VGLL4: variants seen among roughly 807,000 people sequenced by gnomAD.
The protein encoded by VGLL4 is vestigial like family member 4.
A neutral mutation model predicts 21.0 loss-of-function variants in VGLL4; 7 were observed. That is an observed-to-expected ratio of 0.33 (90% CI 0.19 to 0.63). VGLL4 has a LOEUF of 0.63. VGLL4 is among the 20% of genes least tolerant of loss of function. The pLI is 0.78. For missense variants in VGLL4, 394 were observed against 425.7 expected, an observed-to-expected ratio of 0.93 and a Z score of 0.66; for synonymous variants, 222 against 173.2, an observed-to-expected ratio of 1.28 and a Z score of -2.21.
intron 1 of VGLL4, among the ~76,000 whole-genome samples, chr3:11,635,519 A>G (rs2075569247): frequency 6.6e-6 from 1 of 152,194 alleles, no homozygotes; most frequent in Non-Finnish European, 1.5e-5. Context: ...CCAGCTCCAC[A>G]AGAAGGTCCT....
At chr3:11,589,796 A>G (rs1248605594) in intron 2 of VGLL4, among the ~76,000 whole-genome samples, 4 of 152,172 alleles carry the variant, frequency 2.6e-5, no homozygotes, top group Non-Finnish European at 5.9e-5. Context: ...GGTGGGGAGA[A>G]AGCAAGCAAG....
chr3:11,667,326 A>G (rs1409050916), intron 2 of VGLL4, among the ~76,000 whole-genome samples: 1 of 152,214 alleles, frequency 6.6e-6, no homozygotes, highest in Non-Finnish European at 1.5e-5. Flanking sequence ...GAGCTTTGCA[A>G]TGATCTGTCC....
At chr3:11,560,946 G>A (rs2072932912) in intron 3 of VGLL4, among the ~76,000 whole-genome samples, 1 of 152,128 alleles carries the variant, frequency 6.6e-6, no homozygotes, top group African/African-American at 2.4e-5. Flanking sequence ...GACAGATGAG[G>A]CCTGGAGCAG....
intron 2 of VGLL4, among the ~76,000 whole-genome samples, chr3:11,650,574 GA>G (rs1371799688): frequency 6.6e-6 from 1 of 152,142 alleles, no homozygotes; most frequent in Non-Finnish European, 1.5e-5. Context: ...TACCACATTA[GA>G]AAATATGAGT....
At chr3:11,581,362 C>T (rs1017252815) in intron 2 of VGLL4, among the ~76,000 whole-genome samples, 1 of 152,162 alleles carries the variant, frequency 6.6e-6, no homozygotes, top group Non-Finnish European at 1.5e-5. Context: ...CCACCGTGCC[C>T]AGCCATGCAA....
chr3:11,679,836 A>T (rs1040369552), intron 2 of VGLL4, among the ~76,000 whole-genome samples: 8 of 152,212 alleles, frequency 5.3e-5, no homozygotes, highest in African/African-American at 1.9e-4. Flanking sequence ...ACAGTAACCT[A>T]AGGTTAGTAA....
Position 11,569,000 on chromosome 3 carries a change from A to C in VGLL4, c.273-3981T>G, listed in dbSNP as rs927935421. On this transcript the variant is annotated intron_variant, in intron 2 of 4. Coordinates refer to ENST00000430365, the MANE Select transcript of VGLL4 (RefSeq NM_001128219.3). The surrounding 1 kb of genome is among the most constrained non-coding windows in gnomAD (Gnocchi z 5.9). ...AGAGAGGCCTACAACACCATCATCC[A>C]GGACAGAGCTTTCTGAGTACTGAAA... 1 of 1,027,346 alleles carries C rather than the reference A, an allele frequency of 9.7e-7. No individual in the cohort carries two copies. The highest frequency in any genetic ancestry group is 7.8e-5 in the East Asian group (1 of 12,808). 63.6% of individuals were successfully genotyped at this position (1,027,346 alleles called of 1,614,324 possible). A position where few individuals can be genotyped will look rare whatever the true frequency, so the allele number is the denominator to read the frequency against.
chr3:11,720,907 G>A (rs1348458236), upstream of VGLL4, among the ~76,000 whole-genome samples: 1 of 152,182 alleles, frequency 6.6e-6, no homozygotes, highest in Non-Finnish European at 1.5e-5. Context: ...CCGGGGGATA[G>A]AGGCCTGATA....
At chr3:11,560,513 G>A (rs1247735953) in intron 3 of VGLL4, among the ~76,000 whole-genome samples, 3 of 152,172 alleles carry the variant, frequency 2.0e-5, no homozygotes, top group Non-Finnish European at 4.4e-5. Flanking sequence ...AGTTAGAGCA[G>A]TAGCTGGTAT....
chr3:11,568,669 G>A lies in VGLL4; in HGVS notation c.273-3650C>T, dbSNP rs2073648157. The A allele has an allele frequency of 1.1e-5, 17 of 1,556,718 alleles. No homozygotes were observed. The highest frequency in any genetic ancestry group is 7.7e-5 in the Admixed American group (4 of 51,924). On this transcript the variant is annotated intron_variant, in intron 2 of 4. Transcript: ENST00000430365. This position sits in a 1 kb window ranked among gnomAD's most constrained non-coding sequence, Gnocchi z 5.9. ...AGACATTGTTTTCCAGGCCCCGCTC[G>A]CCCGGATGAATCACCTCCCGGCCAC... is the stretch of plus-strand genomic sequence containing the variant.
At chr3:11,677,898 A>G (rs1397755656) in intron 2 of VGLL4, among the ~76,000 whole-genome samples, 1 of 115,776 alleles carries the variant, frequency 8.6e-6, no homozygotes, top group Non-Finnish European at 1.7e-5. Context: ...ACAGAGCAAG[A>G]CTTCGTCTTT....
chr3:11,588,715 G>C (rs2074415849), intron 2 of VGLL4, among the ~76,000 whole-genome samples: 1 of 152,258 alleles, frequency 6.6e-6, no homozygotes, highest in African/African-American at 2.4e-5. Context: ...AATGGAAAGA[G>C]AGTTGTATCA....
At chr3:11,684,357 A>G (rs1575528831) in intron 2 of VGLL4, among the ~76,000 whole-genome samples, 1 of 152,306 alleles carries the variant, frequency 6.6e-6, no homozygotes, top group African/African-American at 2.4e-5. Context: ...TAACAAATTT[A>G]GCATGAGGTA....
At chr3:11,715,095 G>A (rs373777418) in intron 1 of VGLL4, among the ~76,000 whole-genome samples, 3,395 of 149,172 alleles carry the variant, frequency 0.023, 115 homozygotes, top group East Asian at 0.11. Flanking sequence ...AGATCGCGCC[G>A]CTGCACTCCA....
chr3:11,560,830 G>A (rs1285319453), intron 3 of VGLL4, among the ~76,000 whole-genome samples: 7 of 152,290 alleles, frequency 4.6e-5, no homozygotes, highest in African/African-American at 1.4e-4. Flanking sequence ...AGAGAACCCG[G>A]GCAGGTGGAG....
At chr3:11,628,950 G>A (rs1244299277) in intron 1 of VGLL4, among the ~76,000 whole-genome samples, 2 of 152,136 alleles carry the variant, frequency 1.3e-5, no homozygotes, top group East Asian at 3.8e-4. Context: ...CAGTAAAATA[G>A]GCACTTCCAT....
At chr3:11,658,659 G>A (rs2075991113) in intron 2 of VGLL4, among the ~76,000 whole-genome samples, 1 of 115,012 alleles carries the variant, frequency 8.7e-6, no homozygotes, top group Non-Finnish European at 1.8e-5. Context: ...TATCCAGCCG[G>A]CATGTGGCAC....
At chr3:11,671,841 T>A (rs928347675) in intron 2 of VGLL4, among the ~76,000 whole-genome samples, 18 of 152,336 alleles carry the variant, frequency 1.2e-4, no homozygotes, top group African/African-American at 4.1e-4. Context: ...TTGCATTTTT[T>A]AAAAAAGAAT....
intron 2 of VGLL4, among the ~76,000 whole-genome samples, chr3:11,684,635 C>A (rs2076419360): frequency 1.3e-5 from 2 of 151,990 alleles, no homozygotes. Context: ...ACCACCTCAG[C>A]CTCTCAAAGT....
Sources: allele counts gnomAD v4.1 joint callset (sites outside exome capture counted in the v4.1 genomes callset), GRCh38; gene constraint gnomAD v4.1.1; non-coding constraint Gnocchi (gnomAD v3.1); transcripts MANE v1.5; gene names NCBI Gene and HGNC (gene_info 2026-07-23, HGNC 2026-07-21).